ACAP3: variants seen among roughly 807,000 people sequenced by gnomAD.
ACAP3 encodes the protein arf-GAP with coiled-coil, ANK repeat and PH domain-containing protein 3.
A neutral mutation model predicts 104.1 loss-of-function variants in ACAP3; 56 were observed. The observed-to-expected ratio is 0.54, with a 90% confidence interval of 0.43 to 0.67. The LOEUF is 0.67. Ranked by LOEUF, ACAP3 falls within the 30% of genes least tolerant of loss-of-function variation. The pLI is 0.00. For synonymous variants in ACAP3, 628 were observed against 496.2 expected (o/e 1.27, Z -3.53); for missense variants, 1,208 against 1,174.9 (o/e 1.03, Z -0.41).
chr1:1,295,749 G>A lies in ACAP3; in HGVS notation c.1692C>T (p.Ala564=), dbSNP rs574409480. The A allele has an allele frequency of 2.4e-5, 39 of 1,603,576 alleles. No individual in the cohort carries two copies. The highest frequency in any genetic ancestry group is 1.3e-4 in the African/African-American group (10 of 74,976). The change falls in exon 18 of 24, where the codon GCC becomes GCT. Residue 564 remains alanine (A), a synonymous_variant. Coordinates refer to ENST00000354700, the MANE Select transcript of ACAP3 (RefSeq NM_030649.3). ...VRLEPVLPCV[A]ALSSVGTLDR... is the part of the protein sequence containing the mutation. ...ATGGCCTCCCACCTGAGGACAGAGC[G>A]GCCACACAGGGCAGAACGGGCTCAA... is the stretch of plus-strand genomic sequence containing the variant.
chr1:1,295,934 C>G lies in ACAP3; in HGVS notation c.1507G>C (p.Asp503His), dbSNP rs1641119681. 2 of 1,612,426 alleles carry G rather than the reference C, an allele frequency of 1.2e-6. No individual in the cohort carries two copies. The highest frequency in any genetic ancestry group is 1.7e-6 in the Non-Finnish European group (2 of 1,179,968). Residue 503 changes from aspartate to histidine, a missense_variant, in exon 18 of 24, where the codon GAC (aspartate) becomes CAC (histidine). Asp to His is a moderately conservative substitution (Grantham distance 81). Transcript: ENST00000354700. ...TTGTCCTTGATCCAGGCCTCCTTGT[C>G]CTGCCTGGACCAGGGGGGAACATGA... The part of the protein sequence containing the change: ...RKPTASSSRQ[D>H]KEAWIKDKYV...
Position 1,293,613 on chromosome 1 carries a change from A to C in ACAP3, c.2456T>G (p.Phe819Cys). ...ALAGSPTELQ[F>C]RRCIQEFISL... ...GATGAACTCCTGGATACACCTGCGG[A>C]ACTGGAGCTCCGTGGGGCTGCCCGC... The change falls in exon 24 of 24, where the codon TTC (phenylalanine) becomes TGC (cysteine). Residue 819 changes from phenylalanine to cysteine, a missense_variant. Phe to Cys is a radical substitution (Grantham distance 205). Coordinates refer to ENST00000354700, the MANE Select transcript of ACAP3 (RefSeq NM_030649.3). The C allele has an allele frequency of 6.7e-7, 1 of 1,492,210 alleles. No individual in the cohort carries two copies. Among genetic ancestry groups the C allele is most frequent in the Non-Finnish European group, 8.9e-7 (1 of 1,125,652 alleles). 92.4% of individuals were successfully genotyped at this position (1,492,210 alleles called of 1,614,324 possible). A position where few individuals can be genotyped will look rare whatever the true frequency, so the allele number is the denominator to read the frequency against.
intron 4 of ACAP3, 51 bp downstream of exon 4, chr1:1,302,871 C>A: frequency 6.4e-7 from 1 of 1,566,290 alleles, no homozygotes; most frequent in Non-Finnish European, 8.7e-7. Flanking sequence ...GCCAGCGCAG[C>A]TCGGTTCCAG....
chr1:1,298,308 T>C, intron 12 of ACAP3, 62 bp downstream of exon 12: 2 of 1,602,062 alleles, frequency 1.2e-6, no homozygotes, highest in East Asian at 2.2e-5. Flanking sequence ...CTGACCAGTC[T>C]GCCCTGTGGC....
chr1:1,303,409 C>T lies in ACAP3; in HGVS notation c.106-128G>A. On this transcript the variant is annotated intron_variant, in intron 2 of 23. Coordinates refer to ENST00000354700, the MANE Select transcript of ACAP3 (RefSeq NM_030649.3). The surrounding 1 kb of genome is among the most constrained non-coding windows in gnomAD (Gnocchi z 4.0). ...ACTCAGGGCGTTGGCACTCAGGACT[C>T]AGTGCCCCGGTGCAGCTTCCTCACG... The T allele has an allele frequency of 7.7e-7, 1 of 1,293,414 alleles. No homozygotes were observed. The highest frequency in any genetic ancestry group is 1.0e-6 in the Non-Finnish European group (1 of 974,200). The allele number at this position is 1,293,414 out of a possible 1,614,324, so 80.1% of individuals were successfully genotyped here. A position where few individuals can be genotyped will look rare whatever the true frequency, so the allele number is the denominator to read the frequency against.
chr1:1,307,494 C>T lies in ACAP3; in HGVS notation c.47+275G>A, dbSNP rs1009295972. The T allele has an allele frequency of 4.7e-4, 587 of 1,245,914 alleles. 11 individuals are homozygous for T. The highest frequency in any genetic ancestry group is 7.0e-5 in the Non-Finnish European group (67 of 955,858). The allele number at this position is 1,245,914 out of a possible 1,614,324, so 77.2% of individuals were successfully genotyped here. On this transcript the variant is annotated intron_variant, in intron 1 of 23. Transcript: ENST00000354700. ...GGAGGGGCTCAGCCCAGTGGAGGTGCAGACACAGAGCGGGGGCGGACGGTC... is the reference window on the plus strand; with the variant it reads ...GGAGGGGCTCAGCCCAGTGGAGGTGTAGACACAGAGCGGGGGCGGACGGTC...
rs1557601930 is a variant in ACAP3 at position 1,297,805 on chromosome 1, G to C, written c.1128+17C>G. ...TGTGTGTGCACGGGCTTGGGGCAGGGGCACCAAGGGCCACACCTCGCTATA... is the reference window on the plus strand; with the variant it reads ...TGTGTGTGCACGGGCTTGGGGCAGGCGCACCAAGGGCCACACCTCGCTATA... On this transcript the variant is annotated intron_variant, in intron 14 of 23. Coordinates refer to ENST00000354700, the MANE Select transcript of ACAP3 (RefSeq NM_030649.3). 2.5e-6 allele frequency: 4 copies of C among 1,607,488 alleles called. No individual in the cohort carries two copies. The South Asian group carries it at 4.4e-5, about 18-fold the overall frequency.
In ACAP3 at chr1:1,293,438, G is replaced by C; in HGVS notation, c.*126C>G. 9.7e-7 allele frequency: 1 copy of C among 1,032,606 alleles called. No individual in the cohort carries two copies. Among genetic ancestry groups the C allele is most frequent in the Non-Finnish European group, 1.2e-6 (1 of 801,866 alleles). 64.0% of individuals were successfully genotyped at this position (1,032,606 alleles called of 1,614,324 possible). A position where few individuals can be genotyped will look rare whatever the true frequency, so the allele number is the denominator to read the frequency against. On this transcript the variant is annotated 3_prime_UTR_variant, in exon 24 of 24. Transcript: ENST00000354700. ...GGGCGAGCAGGGCCGCGGCGCCCCA[G>C]CACTGGGGCTGCCAGGTATCGACCC... is the stretch of plus-strand genomic sequence containing the variant.
chr1:1,303,403 AG>A lies in ACAP3; in HGVS notation c.106-123del. On this transcript the variant is annotated intron_variant, in intron 2 of 23. Transcript: ENST00000354700. The surrounding 1 kb of genome is among the most constrained non-coding windows in gnomAD (Gnocchi z 4.0). ...GGTTCCACTCAGGGCGTTGGCACTC[AG>A]GACTCAGTGCCCCGGTGCAGCTTCC... 1 of 1,188,100 alleles carries A rather than the reference AG, an allele frequency of 8.4e-7. No homozygotes were observed. 73.6% of individuals were successfully genotyped at this position (1,188,100 alleles called of 1,614,324 possible). A position where few individuals can be genotyped will look rare whatever the true frequency, so the allele number is the denominator to read the frequency against.
chr1:1,304,054 C>A (rs1056546410), intron 2 of ACAP3, 32 bp downstream of exon 2: 2 of 1,550,088 alleles, frequency 1.3e-6, no homozygotes, highest in Non-Finnish European at 8.7e-7. Flanking sequence ...CAAGCTTGGC[C>A]GGGCACAGGG....
At chr1:1,297,148 C>A (rs1035396031) in intron 14 of ACAP3, among the ~76,000 whole-genome samples, 1 of 145,276 alleles carries the variant, frequency 6.9e-6, no homozygotes, top group East Asian at 2.1e-4. Flanking sequence ...CCCAGTGGCA[C>A]GTGTGTGTGT....
In ACAP3 at chr1:1,303,496, G is replaced by C; in HGVS notation, c.106-215C>G. ...GGGGAGGGTGGGGCCGCCACGGCTC[G>C]GCTGGGAGGGACCAGGAGCCAGGCA... On this transcript the variant is annotated intron_variant, in intron 2 of 23. Transcript: ENST00000354700. The surrounding 1 kb of genome is among the most constrained non-coding windows in gnomAD (Gnocchi z 4.0). 1.5e-6 allele frequency: 1 copy of C among 682,112 alleles called. No homozygotes were observed. Among genetic ancestry groups the C allele is most frequent in the Non-Finnish European group, 2.4e-6 (1 of 417,460 alleles). The allele number at this position is 682,112 out of a possible 1,614,324, so 42.3% of individuals were successfully genotyped here.
At chr1:1,307,052 G>T (rs1178513685) in intron 1 of ACAP3, 1 of 666,924 alleles carries the variant, frequency 1.5e-6, no homozygotes, top group South Asian at 1.5e-5. Flanking sequence ...CAGAGGAGGG[G>T]GCCTCACGCA....
At chr1:1,295,007 G>A in intron 19 of ACAP3, 191 bp from the exon 20 acceptor site, 1 of 600,012 alleles carries the variant, frequency 1.7e-6, no homozygotes, top group Non-Finnish European at 2.9e-6. Flanking sequence ...ACAGCTCAAA[G>A]GTGCCAGGGG....
At chr1:1,298,498 ACCCC>A in intron 11 of ACAP3, 65 bp downstream of exon 11, 4 of 533,170 alleles carry the variant, frequency 7.5e-6, no homozygotes, top group Admixed American at 3.0e-5. Flanking sequence ...CCACCTGAGG[ACCCC>A]ACCCCCGCCT....
At chr1:1,295,165 G>C (rs1325415576) in intron 19 of ACAP3, among the ~76,000 whole-genome samples, 1 of 152,120 alleles carries the variant, frequency 6.6e-6, no homozygotes, top group Non-Finnish European at 1.5e-5. Context: ...CATGGCTCCA[G>C]AAGGGCCCTA....
At position 1,303,514 on chromosome 1, in the gene ACAP3, G is replaced by A; in HGVS notation, c.106-233C>T. The A allele has an allele frequency of 1.6e-6, 1 of 632,694 alleles. No individual in the cohort carries two copies. Among genetic ancestry groups the A allele is most frequent in the Non-Finnish European group, 2.7e-6 (1 of 373,820 alleles). The allele number at this position is 632,694 out of a possible 1,614,324, so 39.2% of individuals were successfully genotyped here. A position where few individuals can be genotyped will look rare whatever the true frequency, so the allele number is the denominator to read the frequency against. On this transcript the variant is annotated intron_variant, in intron 2 of 23. Coordinates refer to ENST00000354700, the MANE Select transcript of ACAP3 (RefSeq NM_030649.3). The surrounding 1 kb of genome is among the most constrained non-coding windows in gnomAD (Gnocchi z 4.0). ...ACGGCTCGGCTGGGAGGGACCAGGA[G>A]CCAGGCAGGGGACCCAGGGCCAGCA...
In ACAP3 at chr1:1,295,822, C is replaced by G; in HGVS notation, c.1619G>C (p.Arg540Pro). 1 of 1,610,742 alleles carries G rather than the reference C, an allele frequency of 6.2e-7. No individual in the cohort carries two copies. The highest frequency in any genetic ancestry group is 8.5e-7 in the Non-Finnish European group (1 of 1,179,924). The change falls in exon 18 of 24, where the codon CGG becomes CCG. Residue 540 changes from arginine (R) to proline (P), a missense_variant. Physicochemically the swap from Arg to Pro is moderately radical, Grantham distance 103. Coordinates refer to ENST00000354700, the MANE Select transcript of ACAP3 (RefSeq NM_030649.3). ...PRRWRVQKCL[R>P]PHSSPRAPTA... ...GGGAGCGCGGGGAGAGCTGTGGGGCCGCAGGCACTTCTGCACCCTCCAGCG... is the reference window on the plus strand; with the variant it reads ...GGGAGCGCGGGGAGAGCTGTGGGGCGGCAGGCACTTCTGCACCCTCCAGCG...
intron 1 of ACAP3, 177 bp from the exon 2 acceptor site, chr1:1,304,320 C>G: frequency 1.4e-6 from 1 of 697,780 alleles, no homozygotes; most frequent in South Asian, 1.9e-5. Flanking sequence ...CAGTGCACTT[C>G]CCCCCGCCCC....
Sources: gnomAD v4.1 joint callset for allele counts (sites outside exome capture counted in the v4.1 genomes callset) on GRCh38, gnomAD v4.1.1 for gene constraint, Gnocchi (gnomAD v3.1) non-coding constraint, MANE v1.5 for transcripts, NCBI Gene and HGNC (gene_info 2026-07-23, HGNC 2026-07-21) for gene names.